Variants in PLEKHD1 observed in about 807,000 individuals in gnomAD.
PLEKHD1 encodes pleckstrin homology domain-containing family D member 1.
PLEKHD1 carries 51 observed loss-of-function variants against 69.2 expected under a neutral mutation model. The observed-to-expected ratio is 0.74, with a 90% CI of 0.59 to 0.93. PLEKHD1 has a LOEUF of 0.93. Ranked by LOEUF, PLEKHD1 falls within the 40% of genes least tolerant of loss-of-function variation. The pLI, the probability that PLEKHD1 is intolerant of heterozygous loss-of-function variation, is 0.00. For missense variants in PLEKHD1, 584 were observed against 641.0 expected (o/e 0.91, Z 0.96); for synonymous variants, 236 against 244.7 (o/e 0.96, Z 0.33).
rs369998859 is a variant in PLEKHD1 at position 69,527,221 on chromosome 14, C to T, written c.1090C>T (p.Arg364Cys). 1.9e-5 allele frequency: 30 copies of T among 1,551,260 alleles called. No individual in the cohort carries two copies. Among genetic ancestry groups the T allele is most frequent in the African/African-American group, 2.7e-5 (2 of 73,054 alleles). ...EVKVRMDLER[R>C]LREAEGALRS... is the part of the protein sequence containing the mutation. Reference sequence around the variant, plus strand: ...GAAGGTCCGCATGGACCTGGAGAGGCGTCTCCGGGAGGCAGAAGGGGCCTT... The same window carrying T: ...GAAGGTCCGCATGGACCTGGAGAGGTGTCTCCGGGAGGCAGAAGGGGCCTT... Residue 364 changes from arginine (R) to cysteine (C), a missense_variant, in exon 11 of 13, where the codon CGT becomes TGT. Arg to Cys is a radical substitution (Grantham distance 180). Coordinates refer to ENST00000322564, the MANE Select transcript of PLEKHD1 (RefSeq NM_001161498.2).
intron 4 of PLEKHD1, chr14:69,501,212 C>T (rs1883018204): frequency 1.8e-6 from 1 of 542,874 alleles, no homozygotes; most frequent in African/African-American, 1.9e-5. Context: ...TTTGATGCCT[C>T]CTGACACCCA....
intron 11 of PLEKHD1, 95 bp downstream of exon 11, chr14:69,527,427 G>T: frequency 6.7e-7 from 1 of 1,503,008 alleles, no homozygotes; most frequent in Non-Finnish European, 9.0e-7. Context: ...CACAGGGTCT[G>T]CTAGGCATGA....
At chr14:69,478,972 G>A in the PLEKHD1 span, among the ~76,000 whole-genome samples, 1 of 152,162 alleles carries the variant, frequency 6.6e-6, no homozygotes, top group African/African-American at 2.4e-5. Context: ...AAGGGTGTTT[G>A]TATTAGCCTG....
chr14:69,526,858 C>T lies in PLEKHD1; in HGVS notation c.1056+29C>T, dbSNP rs751729642. The T allele has an allele frequency of 1.6e-5, 24 of 1,500,472 alleles. No individual in the cohort carries two copies. The South Asian group carries it at 3.1e-4, about 20-fold the overall frequency. 92.9% of individuals were successfully genotyped at this position (1,500,472 alleles called of 1,614,324 possible). On this transcript the variant is annotated intron_variant, in intron 10 of 12. Transcript: ENST00000322564. ...CGACCTGGCCTGCTGGTGCCAGGGC[C>T]CTTCCCCTTCCCTGGAGACTCCCCT...
At chr14:69,524,589 C>T (rs188013098) in intron 8 of PLEKHD1, among the ~76,000 whole-genome samples, 6 of 152,266 alleles carry the variant, frequency 3.9e-5, no homozygotes, top group Admixed American at 6.5e-5. Flanking sequence ...AGGAAATCCA[C>T]CTCTGGTGCT....
upstream of PLEKHD1, among the ~76,000 whole-genome samples, chr14:69,482,141 G>A (rs8013985): frequency 0.18 from 26,939 of 152,146 alleles, 2,615 homozygotes; most frequent in Middle Eastern, 0.27. Flanking sequence ...CTATTCATAC[G>A]TCCTGTATGC....
rs1235337912 is a variant in PLEKHD1, at chr14:69,527,800, A to G, written c.1219A>G (p.Ile407Val). Residue 407 changes from isoleucine to valine, a missense_variant, in exon 12 of 13, where the codon ATC (isoleucine) becomes GTC (valine). Transcript: ENST00000322564. ...SHLKRFFEEC[I>V]RNAELEAKMP... Reference sequence around the variant, plus strand: ...CGCCACAGGGTTCTTTGAGGAGTGCATCCGGAATGCCGAGCTGGAGGCCAA... The same window carrying G: ...CGCCACAGGGTTCTTTGAGGAGTGCGTCCGGAATGCCGAGCTGGAGGCCAA... The G allele has an allele frequency of 3.9e-6, 6 of 1,551,508 alleles. No individual in the cohort carries two copies. Among genetic ancestry groups the G allele is most frequent in the South Asian group, 1.2e-5 (1 of 84,066 alleles).
chr14:69,486,283 C>T (rs1445702378), intron 1 of PLEKHD1, among the ~76,000 whole-genome samples: 2 of 152,198 alleles, frequency 1.3e-5, no homozygotes, highest in Admixed American at 6.5e-5. Context: ...TTTAATGTTT[C>T]TATAAGACCG....
chr14:69,491,352 G>A (rs1212115974), intron 1 of PLEKHD1, among the ~76,000 whole-genome samples: 2 of 152,192 alleles, frequency 1.3e-5, no homozygotes, highest in African/African-American at 4.8e-5. Flanking sequence ...TTGAGCGTTA[G>A]GTCTCTGGTA....
At chr14:69,479,005 A>G in the PLEKHD1 span, among the ~76,000 whole-genome samples, 2 of 152,232 alleles carry the variant, frequency 1.3e-5, no homozygotes, top group East Asian at 1.9e-4. Flanking sequence ...TGATAAAGAC[A>G]TACCTGAGAC....
chr14:69,519,825 A>T (rs1317826543), intron 6 of PLEKHD1, among the ~76,000 whole-genome samples: 2 of 152,200 alleles, frequency 1.3e-5, no homozygotes, highest in African/African-American at 4.8e-5. Flanking sequence ...AGGTGGGTCC[A>T]GGGTGATCAT....
intron 1 of PLEKHD1, among the ~76,000 whole-genome samples, chr14:69,485,768 C>T (rs1365518743): frequency 6.6e-6 from 1 of 152,226 alleles, no homozygotes; most frequent in African/African-American, 2.4e-5. Flanking sequence ...AGGGAGGCAG[C>T]TGGAGTGAAG....
chr14:69,473,133 A>G, the PLEKHD1 span, among the ~76,000 whole-genome samples: 1 of 152,204 alleles, frequency 6.6e-6, no homozygotes, highest in Non-Finnish European at 1.5e-5. Flanking sequence ...TTACAATGTA[A>G]TAATAGAAAT....
chr14:69,495,875 A>G (rs1882877920), intron 1 of PLEKHD1, among the ~76,000 whole-genome samples: 1 of 152,218 alleles, frequency 6.6e-6, no homozygotes, highest in African/African-American at 2.4e-5. Flanking sequence ...ATATGTCAGC[A>G]TCTGGCACAT....
chr14:69,494,529 G>A (rs1223229581), intron 1 of PLEKHD1, among the ~76,000 whole-genome samples: 1 of 152,220 alleles, frequency 6.6e-6, no homozygotes, highest in Non-Finnish European at 1.5e-5. Flanking sequence ...TTCCTCATCT[G>A]TGAAATGAGA....
chr14:69,485,160 T>A, intron 1 of PLEKHD1, 46 bp downstream of exon 1: 2 of 1,530,942 alleles, frequency 1.3e-6, no homozygotes, highest in Non-Finnish European at 1.8e-6. Context: ...GGAGAGAGCC[T>A]GGGCGTCGTT....
intron 1 of PLEKHD1, among the ~76,000 whole-genome samples, chr14:69,496,667 C>T (rs1032149507): frequency 6.7e-6 from 1 of 149,928 alleles, no homozygotes; most frequent in Non-Finnish European, 1.5e-5. Flanking sequence ...AGCCTCCTGG[C>T]TAGAACTACA....
chr14:69,518,749 G>A (rs1299079922), intron 6 of PLEKHD1, among the ~76,000 whole-genome samples: 2 of 152,156 alleles, frequency 1.3e-5, no homozygotes, highest in Admixed American at 6.5e-5. Context: ...AAAGAGGTTA[G>A]TGTTGTTTTA....
chr14:69,477,959 A>T, the PLEKHD1 span, among the ~76,000 whole-genome samples: 2 of 152,162 alleles, frequency 1.3e-5, no homozygotes, highest in African/African-American at 4.8e-5. Flanking sequence ...TAGGGACTCT[A>T]TGTGGGGGTT....
Sources: gnomAD v4.1 joint callset for allele counts (sites outside exome capture counted in the v4.1 genomes callset) on GRCh38, gnomAD v4.1.1 for gene constraint, MANE v1.5 for transcripts, NCBI Gene and HGNC (gene_info 2026-07-23, HGNC 2026-07-21) for gene names.